CAPN10: variants seen among roughly 807,000 people sequenced by gnomAD.
CAPN10 encodes calpain-10.
A neutral mutation model predicts 78.4 loss-of-function variants in CAPN10; 71 were observed. The observed-to-expected ratio is 0.91, with a 90% CI of 0.75 to 1.10. The LOEUF (loss-of-function observed/expected upper bound fraction) is 1.10, where lower values mean the gene tolerates loss of function less well. Ranked by LOEUF, CAPN10 falls within the 50% of genes least tolerant of loss-of-function variation. CAPN10 has a pLI of 0.00. For synonymous variants in CAPN10, 437 were observed against 407.2 expected, an observed-to-expected ratio of 1.07 and a Z score of -0.88; for missense variants, 849 against 924.6, an observed-to-expected ratio of 0.92 and a Z score of 1.06.
At chr2:240,590,727 C>A (rs1170367967) in intron 2 of CAPN10, 88 bp from the exon 3 acceptor site, 2 of 1,246,898 alleles carry the variant, frequency 1.6e-6, no homozygotes, top group Non-Finnish European at 2.3e-6. Flanking sequence ...GAGCACTCAG[C>A]TGTGGCCACA....
chr2:240,594,063 T>C lies in CAPN10; in HGVS notation c.830+16T>C. On this transcript the variant is annotated intron_variant, in intron 5 of 11. Transcript: ENST00000391984. ...GGAGAGAGGGGTGAGTGCTGGGGCC[T>C]GGACCATGCTGCTGTCGGGAGGGGG... is the stretch of plus-strand genomic sequence containing the variant. 1 of 1,566,152 alleles carries C rather than the reference T, an allele frequency of 6.4e-7. No individual in the cohort carries two copies.
chr2:240,597,826 C>A, intron 9 of CAPN10, 62 bp from the exon 10 acceptor site: 2 of 1,450,630 alleles, frequency 1.4e-6, no homozygotes, highest in South Asian at 1.3e-5. Context: ...GAGCAGATGG[C>A]CCTGGGCTGG....
rs776397701 is a variant in CAPN10, at chr2:240,589,340, C to T, written c.142-3C>T. 1.2e-6 allele frequency: 2 copies of T among 1,614,152 alleles called. No individual in the cohort carries two copies. The highest frequency in any genetic ancestry group is 3.3e-5 in the Admixed American group (2 of 60,028). On this transcript the variant is annotated splice_region_variant and splice_polypyrimidine_tract_variant and intron_variant, in intron 1 of 11. Coordinates refer to ENST00000391984, the MANE Select transcript of CAPN10 (RefSeq NM_023083.4). ...TAACTCTGGACAACTTTCTGTATCT[C>T]AGGAGATTTGTGCCACACCCCGGCT...
rs958871941 is a variant in CAPN10 at position 240,586,925 on chromosome 2, G to A, written c.14G>A (p.Arg5Gln). The A allele has an allele frequency of 5.5e-6, 8 of 1,443,296 alleles. No individual in the cohort carries two copies. Among genetic ancestry groups the A allele is most frequent in the Admixed American group, 2.8e-5 (1 of 36,168 alleles). 89.4% of individuals were successfully genotyped at this position (1,443,296 alleles called of 1,614,324 possible). The change falls in exon 1 of 12, where the codon CGG becomes CAG. Residue 5 changes from arginine (R) to glutamine (Q), a missense_variant. Transcript: ENST00000391984. MRAGRGATPARELFR... is the reference protein window; with the variant it reads MRAGQGATPARELFR... ...GCGGAGCCGAGGATGCGGGCGGGCC[G>A]GGGCGCGACGCCGGCGAGGGAGCTG... is the stretch of plus-strand genomic sequence containing the variant.
Position 240,598,025 on chromosome 2 carries a change from C to T in CAPN10, c.1881C>T (p.Pro627=). 1 of 1,613,230 alleles carries T rather than the reference C, an allele frequency of 6.2e-7. No individual in the cohort carries two copies. Among genetic ancestry groups the T allele is most frequent in the East Asian group, 2.2e-5 (1 of 44,868 alleles). The stretch of plus-strand genomic sequence containing the variant: ...CTGCGGGCACCTACAAGGTTGTGCC[C>T]TCCACCTACCTGCCGGACACAGAGG... The part of the protein sequence containing the change: ...LLPAGTYKVV[P]STYLPDTEGA... The change falls in exon 10 of 12, where the codon CCC becomes CCT. Residue 627 remains proline (P), a synonymous_variant. Coordinates refer to ENST00000391984, the MANE Select transcript of CAPN10 (RefSeq NM_023083.4).
intron 9 of CAPN10, 148 bp from the exon 10 acceptor site, chr2:240,597,740 C>A: frequency 1.4e-6 from 1 of 736,852 alleles, no homozygotes; most frequent in Non-Finnish European, 2.2e-6. Flanking sequence ...GGTGAGGAGG[C>A]GAGTCCAGTG....
At position 240,594,699 on chromosome 2, in the gene CAPN10, C is replaced by G. The variant is rs774815355; in HGVS notation, c.987C>G (p.Ser329Arg). The change falls in exon 6 of 12, where the codon AGC becomes AGG. Residue 329 changes from serine (S) to arginine (R), a missense_variant. Ser to Arg is a moderately radical substitution (Grantham distance 110). Transcript: ENST00000391984. ...YPVTEAGHLQ[S>R]LYTERLLCHT... ...TCACGGAGGCCGGCCACCTGCAGAG[C>G]CTCTACACAGGTAGTGCCCCGAGGG... 43 of 1,611,986 alleles carry G rather than the reference C, an allele frequency of 2.7e-5. No individual in the cohort carries two copies. The highest frequency in any genetic ancestry group is 3.6e-5 in the Non-Finnish European group (42 of 1,179,380).
In CAPN10 at chr2:240,598,853, A is replaced by C. The variant is rs1385478832; in HGVS notation, c.*173A>C. ...GTCCACGGGAAGCCTCCGTCAGGAG[A>C]GACGCAGCCCTGGGGGCCAGCTGGT... On this transcript the variant is annotated 3_prime_UTR_variant, in exon 12 of 12. Transcript: ENST00000391984. 1 of 643,456 alleles carries C rather than the reference A, an allele frequency of 1.6e-6. No individual in the cohort carries two copies. The highest frequency in any genetic ancestry group is 1.8e-5 in the African/African-American group (1 of 54,604). 39.9% of individuals were successfully genotyped at this position (643,456 alleles called of 1,614,324 possible).
chr2:240,591,757 G>A lies in CAPN10; in HGVS notation c.471-176G>A, dbSNP rs3792267. 0.24 allele frequency: 147,270 copies of A among 615,740 alleles called. 18,952 individuals carry two copies. The highest frequency in any genetic ancestry group is 0.29 in the Admixed American group (10,074 of 34,336). The allele number at this position is 615,740 out of a possible 1,614,324, so 38.1% of individuals were successfully genotyped here. A position where few individuals can be genotyped will look rare whatever the true frequency, so the allele number is the denominator to read the frequency against. On this transcript the variant is annotated intron_variant, in intron 3 of 11. Coordinates refer to ENST00000391984, the MANE Select transcript of CAPN10 (RefSeq NM_023083.4). ...GCTCACGCTTGCTGTGAAGTAAGGC[G>A]TTTGAAGGTGAGGCTAAGCCTTGAC...
rs377454835 is a variant in CAPN10, at chr2:240,596,618, T to C, written c.1482-63T>C. 60 of 1,534,012 alleles carry C rather than the reference T, an allele frequency of 3.9e-5. No individual in the cohort carries two copies. The African/African-American group carries it at 7.3e-4, about 19-fold the overall frequency. On this transcript the variant is annotated intron_variant, in intron 8 of 11. Transcript: ENST00000391984. ...TCCCTCTGTGGTTGGCAGGTGTCCATGTGGGAACTGAGGCCACCGGGAACC... is the reference window on the plus strand; with the variant it reads ...TCCCTCTGTGGTTGGCAGGTGTCCACGTGGGAACTGAGGCCACCGGGAACC...
chr2:240,592,743 T>C, intron 4 of CAPN10: 1 of 308,258 alleles, frequency 3.2e-6, no homozygotes, highest in South Asian at 2.7e-5. Flanking sequence ...ACGTGTTCCC[T>C]TCCGCACCGC....
rs1326416291 is a variant in CAPN10, at chr2:240,587,014, G to A, written c.103G>A (p.Ala35Thr). ...SLFCDLSTPLAQFREDITWRR... is the reference protein window; with the variant it reads ...SLFCDLSTPLTQFREDITWRR... Reference sequence around the variant, plus strand: ...CTTCTGCGACTTGTCTACGCCGCTGGCCCAGTTCCGCGAGGACATCACGTG... The same window carrying A: ...CTTCTGCGACTTGTCTACGCCGCTGACCCAGTTCCGCGAGGACATCACGTG... The change falls in exon 1 of 12, where the codon GCC becomes ACC. Residue 35 changes from alanine (A) to threonine (T), a missense_variant. Physicochemically the swap from Ala to Thr is moderately conservative, Grantham distance 58. Coordinates refer to ENST00000391984, the MANE Select transcript of CAPN10 (RefSeq NM_023083.4). 6.8e-7 allele frequency: 1 copy of A among 1,467,098 alleles called. No individual in the cohort carries two copies. 90.9% of individuals were successfully genotyped at this position (1,467,098 alleles called of 1,614,324 possible).
intron 2 of CAPN10, chr2:240,589,771 G>A (rs1319740885): frequency 6.1e-6 from 2 of 329,864 alleles, no homozygotes; most frequent in East Asian, 5.2e-5. Context: ...AGAATAAAGA[G>A]ACAAATGTGC....
In CAPN10 at chr2:240,596,732, G is replaced by C. The variant is rs370128354; in HGVS notation, c.1533G>C (p.Ala511=). 7.5e-6 allele frequency: 12 copies of C among 1,591,456 alleles called. No individual in the cohort carries two copies. Among genetic ancestry groups the C allele is most frequent in the Admixed American group, 1.7e-5 (1 of 58,534 alleles). ...KNTTPGAALP[A]GEWGTVQLRG... Reference sequence around the variant, plus strand: ...CCACCCCCGGGGCAGCCCTGCCTGCGGGGGAGTGGGGGACCGTGCAGCTAC... The same window carrying C: ...CCACCCCCGGGGCAGCCCTGCCTGCCGGGGAGTGGGGGACCGTGCAGCTAC... Residue 511 remains alanine, a synonymous_variant, in exon 9 of 12, where the codon GCG becomes GCC. Coordinates refer to ENST00000391984, the MANE Select transcript of CAPN10 (RefSeq NM_023083.4).
At position 240,595,389 on chromosome 2, in the gene CAPN10, C is replaced by T. The variant is rs768202481; in HGVS notation, c.1278+85C>T. On this transcript the variant is annotated intron_variant, in intron 7 of 11. Transcript: ENST00000391984. ...GTCTGGGTTCTAGGACTGGCTCTGC[C>T]GGGACACATGTGACTCTGCCACGGG... 108 of 1,429,916 alleles carry T rather than the reference C, an allele frequency of 7.6e-5. No homozygotes were observed. The Middle Eastern group carries it at 8.8e-4, about 12-fold the overall frequency. The allele number at this position is 1,429,916 out of a possible 1,614,324, so 88.6% of individuals were successfully genotyped here.
intron 3 of CAPN10, 79 bp downstream of exon 3, chr2:240,591,090 T>C: frequency 7.4e-7 from 1 of 1,344,324 alleles, no homozygotes; most frequent in Non-Finnish European, 1.0e-6. Flanking sequence ...CAGGAGGGTC[T>C]CTGCTCACTC....
Position 240,587,016 on chromosome 2 carries a change from C to A in CAPN10, c.105C>A (p.Ala35=). Residue 35 remains alanine, a synonymous_variant, in exon 1 of 12, where the codon GCC becomes GCA. Coordinates refer to ENST00000391984, the MANE Select transcript of CAPN10 (RefSeq NM_023083.4). ...TCTGCGACTTGTCTACGCCGCTGGC[C>A]CAGTTCCGCGAGGACATCACGTGGA... ...SLFCDLSTPL[A]QFREDITWRR... is the part of the protein sequence containing the mutation. The A allele has an allele frequency of 6.8e-7, 1 of 1,467,424 alleles. No homozygotes were observed. Among genetic ancestry groups the A allele is most frequent in the Non-Finnish European group, 9.0e-7 (1 of 1,106,194 alleles). 90.9% of individuals were successfully genotyped at this position (1,467,424 alleles called of 1,614,324 possible).
Position 240,590,848 on chromosome 2 carries a change from C to G in CAPN10, c.307C>G (p.Gln103Glu). 1.2e-6 allele frequency: 2 copies of G among 1,614,212 alleles called. No individual in the cohort carries two copies. Among genetic ancestry groups the G allele is most frequent in the African/African-American group, 1.3e-5 (1 of 75,070 alleles). The change falls in exon 3 of 12, where the codon CAG becomes GAG. Residue 103 changes from glutamine to glutamate, a missense_variant. Gln to Glu is a conservative substitution (Grantham distance 29). Transcript: ENST00000391984. ...TCCGGGACAGCCGAGCTGGGCCGAC[C>G]AGGAGTACCGGGGCTCCTTCACCTG... is the stretch of plus-strand genomic sequence containing the variant. ...IPPGQPSWAD[Q>E]EYRGSFTCRI... is the part of the protein sequence containing the mutation.
At position 240,596,381 on chromosome 2, in the gene CAPN10, G is replaced by C; in HGVS notation, c.1341G>C (p.Ala447=). ...VLSMPPVAGT[A]CHAYDREVHL... ...CCATGCCCCCCGTGGCTGGCACCGCGTGCCATGCATACGACCGGGAGGTCC... is the reference window on the plus strand; with the variant it reads ...CCATGCCCCCCGTGGCTGGCACCGCCTGCCATGCATACGACCGGGAGGTCC... The change falls in exon 8 of 12, where the codon GCG becomes GCC. Residue 447 remains alanine, a synonymous_variant. Coordinates refer to ENST00000391984, the MANE Select transcript of CAPN10 (RefSeq NM_023083.4). 1 of 1,613,186 alleles carries C rather than the reference G, an allele frequency of 6.2e-7. No individual in the cohort carries two copies.
Sources: allele counts gnomAD v4.1 joint callset, GRCh38; gene constraint gnomAD v4.1.1; transcripts MANE v1.5; gene names NCBI Gene and HGNC (gene_info 2026-07-23, HGNC 2026-07-21).